The following RICTOR variants were observed in gnomAD, a reference collection of about 807,000 sequenced individuals.
The protein encoded by RICTOR is RPTOR independent companion of MTOR complex 2.
Under a neutral mutation model 214.9 loss-of-function variants are expected in RICTOR, and 49 were observed. The observed-to-expected ratio is 0.23, with a 90% CI of 0.18 to 0.29. The LOEUF (loss-of-function observed/expected upper bound fraction) is 0.29, where lower values mean the gene tolerates loss of function less well. RICTOR is among the 10% of genes least tolerant of loss of function. RICTOR has a pLI of 1.00. For synonymous variants in RICTOR, 717 were observed against 711.3 expected, an observed-to-expected ratio of 1.01 and a Z score of -0.13; for missense variants, 1,625 against 2,047.0, an observed-to-expected ratio of 0.79 and a Z score of 3.98.
intron 25 of RICTOR, 44 bp from the exon 26 acceptor site, chr5:38,955,748 G>T: frequency 9.5e-7 from 1 of 1,049,932 alleles, no homozygotes; most frequent in Non-Finnish European, 1.5e-6. Context: ...ATCACAATGA[G>T]TCACTAAATT....
chr5:38,973,637 T>TAA (rs1750968146), intron 10 of RICTOR, among the ~76,000 whole-genome samples: 1 of 152,208 alleles, frequency 6.6e-6, no homozygotes. Context: ...ATGTTCTCTT[T>TAA]AGATTCAGGA....
chr5:38,942,702 C>T lies in RICTOR; in HGVS notation c.5052+131G>A, dbSNP rs948627123. On this transcript the variant is annotated intron_variant, in intron 37 of 37. Transcript: ENST00000357387. ...AATTCCTGGGCTCAAGCAATTCTCC[C>T]GCGCTGACCCCACAAAGTGCTGGGA... The T allele has an allele frequency of 1.1e-4, 75 of 703,418 alleles. 1 individual carries two copies. The highest frequency in any genetic ancestry group is 6.8e-4 in the African/African-American group (38 of 56,238). The allele number at this position is 703,418 out of a possible 1,614,324, so 43.6% of individuals were successfully genotyped here.
rs1341720563 is a variant in RICTOR at position 38,950,233 on chromosome 5, T to C, written c.3615A>G (p.Val1205=). ...TCATATGTGAGCTCGTTGAACTTTCTACTACTAACCTCTCTCGGCTTGTAT... is the reference window on the plus strand; with the variant it reads ...TCATATGTGAGCTCGTTGAACTTTCCACTACTAACCTCTCTCGGCTTGTAT... The part of the protein sequence containing the change: ...RENTSRERLV[V]ESSTSSHMKI... Residue 1205 remains valine, a synonymous_variant, in exon 31 of 38, where the codon GTA becomes GTG. Coordinates refer to ENST00000357387, the MANE Select transcript of RICTOR (RefSeq NM_152756.5). 1.2e-6 allele frequency: 2 copies of C among 1,613,484 alleles called. No homozygotes were observed. The highest frequency in any genetic ancestry group is 1.7e-5 in the Admixed American group (1 of 59,930).
chr5:38,944,930 C>T lies in RICTOR; in HGVS notation c.4772G>A (p.Ser1591Asn), dbSNP rs1748008352. 1.2e-6 allele frequency: 2 copies of T among 1,613,840 alleles called. No individual in the cohort carries two copies. The highest frequency in any genetic ancestry group is 2.7e-5 in the African/African-American group (2 of 74,898). ...SQEGSASSTK[S>N]TELLLGVKTI... The stretch of plus-strand genomic sequence containing the variant: ...AGACTCACCTAGTAACAATTCTGTG[C>T]TTTTGGTGCTGCTAGCTGAGCCTTC... Residue 1591 changes from serine to asparagine, a missense_variant, in exon 35 of 38, where the codon AGC (serine) becomes AAC (asparagine). Coordinates refer to ENST00000357387, the MANE Select transcript of RICTOR (RefSeq NM_152756.5).
intron 12 of RICTOR, 103 bp from the exon 13 acceptor site, chr5:38,967,530 G>T: frequency 6.0e-6 from 5 of 835,622 alleles, no homozygotes; most frequent in Non-Finnish European, 9.6e-6. Flanking sequence ...ACTTTAAAAA[G>T]TGCTGGTTAA....
At chr5:39,029,777 C>T (rs1486645744) in intron 2 of RICTOR, among the ~76,000 whole-genome samples, 1 of 152,254 alleles carries the variant, frequency 6.6e-6, no homozygotes, top group East Asian at 1.9e-4. Context: ...AATGCTTTTG[C>T]AAAATGTGAG....
Position 39,055,415 on chromosome 5 carries a change from A to AC in RICTOR, c.97+18695_97+18696insG, listed in dbSNP as rs1561070101. On this transcript the variant is annotated intron_variant, in intron 2 of 37. Coordinates refer to ENST00000357387, the MANE Select transcript of RICTOR (RefSeq NM_152756.5). ...TACTTAAGAGAAGCTTTCTCTGACA[A>AC]TTCCCCCCCCCCACTCTTTTTCACA... Among the ~76,000 whole-genome samples, 3 of 93,572 alleles carry AC rather than the reference A, an allele frequency of 3.2e-5. No individual in the cohort carries two copies. In the South Asian group the frequency reaches 1.0e-3, roughly 32 times the overall value. 61.4% of individuals were successfully genotyped at this position (93,572 alleles called of 152,430 possible). A position where few individuals can be genotyped will look rare whatever the true frequency, so the allele number is the denominator to read the frequency against.
chr5:39,030,718 T>C (rs542415413), intron 2 of RICTOR, among the ~76,000 whole-genome samples: 1 of 152,288 alleles, frequency 6.6e-6, no homozygotes, highest in South Asian at 2.1e-4. Flanking sequence ...CACAGTAGGC[T>C]TTCAAGAATT....
At chr5:38,969,737 C>G (rs1252154471) in intron 11 of RICTOR, 1 of 144,760 alleles carries the variant, frequency 6.9e-6, no homozygotes, top group Non-Finnish European at 1.5e-5. Context: ...GGCGTGATCT[C>G]GGCTCACTGC....
Position 38,975,608 on chromosome 5 carries a change from T to A in RICTOR, c.822-4A>T. On this transcript the variant is annotated splice_polypyrimidine_tract_variant and splice_region_variant and intron_variant, in intron 9 of 37. Coordinates refer to ENST00000357387, the MANE Select transcript of RICTOR (RefSeq NM_152756.5). ...AAATCGTGCTTCTCTGTCTTCTCTG[T>A]TGGGGGTGGGGAGGCAGCGGGGAGA... The A allele has an allele frequency of 6.2e-7, 1 of 1,612,940 alleles. No homozygotes were observed. Among genetic ancestry groups the A allele is most frequent in the Non-Finnish European group, 8.5e-7 (1 of 1,179,068 alleles).
At chr5:39,027,998 G>T (rs1241762419) in intron 2 of RICTOR, among the ~76,000 whole-genome samples, 1 of 151,776 alleles carries the variant, frequency 6.6e-6, no homozygotes, top group East Asian at 1.9e-4. Flanking sequence ...TTAAATAGAT[G>T]TGAAAGCAAA....
At chr5:39,029,099 T>C (rs575997463) in intron 2 of RICTOR, among the ~76,000 whole-genome samples, 86 of 152,186 alleles carry the variant, frequency 5.7e-4, no homozygotes, top group African/African-American at 1.9e-3. Flanking sequence ...AAGTAACCAA[T>C]TGGAAACAGG....
intron 7 of RICTOR, among the ~76,000 whole-genome samples, chr5:38,987,700 T>A (rs1752281654): frequency 6.6e-6 from 1 of 151,990 alleles, no homozygotes; most frequent in South Asian, 2.1e-4. Context: ...TTTTCGTGTA[T>A]CTCCTTCAGT....
At position 38,943,054 on chromosome 5, in the gene RICTOR, T is replaced by C. The variant is rs141968603; in HGVS notation, c.4914-83A>G. On this transcript the variant is annotated intron_variant, in intron 36 of 37. Transcript: ENST00000357387. ...TCCAAGGTATCACTTACTTTAAAAA[T>C]AGATTTCCCTACAGATATGGATTAG... 8,751 of 956,936 alleles carry C rather than the reference T, an allele frequency of 9.1e-3. 59 individuals are homozygous for C. Among genetic ancestry groups the C allele is most frequent in the Non-Finnish European group, 0.012 (7,405 of 617,140 alleles). 59.3% of individuals were successfully genotyped at this position (956,936 alleles called of 1,614,324 possible).
At position 38,959,178 on chromosome 5, in the gene RICTOR, G is replaced by A. The variant is rs748285249; in HGVS notation, c.2178+17C>T. 5.2e-6 allele frequency: 8 copies of A among 1,549,064 alleles called. No homozygotes were observed. The highest frequency in any genetic ancestry group is 7.0e-6 in the Non-Finnish European group (8 of 1,150,098). On this transcript the variant is annotated intron_variant, in intron 22 of 37. Coordinates refer to ENST00000357387, the MANE Select transcript of RICTOR (RefSeq NM_152756.5). ...AATTGGTTATAAATATAGTTTTACTGGCTATGTTATACTCACATCAGTAGC... is the reference window on the plus strand; with the variant it reads ...AATTGGTTATAAATATAGTTTTACTAGCTATGTTATACTCACATCAGTAGC...
At chr5:38,967,064 G>T in intron 14 of RICTOR, 97 bp downstream of exon 14, 1 of 933,458 alleles carries the variant, frequency 1.1e-6, no homozygotes, top group Non-Finnish European at 1.7e-6. Context: ...GCTTCTCAAA[G>T]TGTTGGGATT....
chr5:38,944,155 A>C, intron 36 of RICTOR: 1 of 480,534 alleles, frequency 2.1e-6, no homozygotes, highest in South Asian at 1.7e-5. Context: ...GTATTTTCCA[A>C]AAGTAAAAAA....
intron 2 of RICTOR, among the ~76,000 whole-genome samples, chr5:39,028,465 A>T (rs1172414249): frequency 6.6e-6 from 1 of 152,068 alleles, no homozygotes; most frequent in Non-Finnish European, 1.5e-5. Context: ...TACAGGCGTG[A>T]GCCACCGCGC....
chr5:39,035,650 A>G (rs1756628298), intron 2 of RICTOR, among the ~76,000 whole-genome samples: 1 of 152,232 alleles, frequency 6.6e-6, no homozygotes, highest in Non-Finnish European at 1.5e-5. Flanking sequence ...GCTGAAAACC[A>G]CGGCACGAGA....
Sources: gnomAD v4.1 joint callset for allele counts (sites outside exome capture counted in the v4.1 genomes callset) on GRCh38, gnomAD v4.1.1 for gene constraint, MANE v1.5 for transcripts, NCBI Gene and HGNC (gene_info 2026-07-23, HGNC 2026-07-21) for gene names.